The following WDR3 variants were observed in gnomAD, a reference collection of about 807,000 sequenced individuals.
WDR3 encodes the protein WD repeat-containing protein 3.
In WDR3, 81 loss-of-function variants were observed where a neutral mutation model predicts 123.7. The ratio of observed to expected loss-of-function variants is 0.65; its 90% CI spans 0.55 to 0.79. WDR3 has a LOEUF of 0.79. WDR3 is among the 30% of genes least tolerant of loss of function. WDR3 has a pLI of 0.00. For synonymous variants in WDR3, 390 were observed against 388.8 expected (o/e 1.00, Z -0.04); for missense variants, 1,027 against 1,123.2 (o/e 0.91, Z 1.22).
At chr1:117,930,115 G>A (rs1650651887) in intron 1 of WDR3, among the ~76,000 whole-genome samples, 2 of 152,208 alleles carry the variant, frequency 1.3e-5, no homozygotes, top group Admixed American at 1.3e-4. Context: ...ATGTGTGGCA[G>A]GTCTGTTGCC....
intron 10 of WDR3, among the ~76,000 whole-genome samples, chr1:117,943,119 A>G (rs1488367058): frequency 6.6e-6 from 1 of 151,668 alleles, no homozygotes; most frequent in Admixed American, 6.6e-5. Context: ...CACTCAGCTA[A>G]TTTTTGTATT....
rs115068403 is a variant in WDR3 at position 117,942,693 on chromosome 1, T to C, written c.1097+149T>C. 1,838 of 684,174 alleles carry C rather than the reference T, an allele frequency of 2.7e-3. 5 individuals carry two copies. Among genetic ancestry groups the C allele is most frequent in the Non-Finnish European group, 3.9e-3 (1,590 of 409,116 alleles). The allele number at this position is 684,174 out of a possible 1,614,324, so 42.4% of individuals were successfully genotyped here. A position where few individuals can be genotyped will look rare whatever the true frequency, so the allele number is the denominator to read the frequency against. On this transcript the variant is annotated intron_variant, in intron 10 of 26. Transcript: ENST00000349139. ...TCTGTGTCACACTCTGCTCCTGTTG[T>C]CCTAATCATGGGCCCACTTTTTGTC...
chr1:117,933,607 G>A, intron 2 of WDR3, 117 bp downstream of exon 2: 1 of 1,392,540 alleles, frequency 7.2e-7, no homozygotes. Flanking sequence ...TGTGCCCTTA[G>A]AAGAAAAATC....
chr1:117,951,598 C>T (rs1400973261), intron 16 of WDR3, among the ~76,000 whole-genome samples: 1 of 150,666 alleles, frequency 6.6e-6, no homozygotes, highest in Non-Finnish European at 1.5e-5. Flanking sequence ...ATGTGGGCTA[C>T]ATAAACATTC....
intron 3 of WDR3, among the ~76,000 whole-genome samples, chr1:117,935,606 A>G (rs543212551): frequency 2.8e-4 from 43 of 152,142 alleles, no homozygotes; most frequent in Non-Finnish European, 5.3e-4. Flanking sequence ...ACAATTGGCT[A>G]TTTGAGCGAA....
rs1033658885 is a variant in WDR3 at position 117,961,252 on chromosome 1, C to G, written c.*1805C>G. 8 of 152,176 alleles carry G rather than the reference C, an allele frequency of 5.3e-5. No individual in the cohort carries two copies. Among genetic ancestry groups the G allele is most frequent in the African/African-American group, 1.9e-4 (8 of 41,426 alleles). 9.4% of individuals were successfully genotyped at this position (152,176 alleles called of 1,614,324 possible). On this transcript the variant is annotated 3_prime_UTR_variant, in exon 27 of 27. Transcript: ENST00000349139. ...TAGCCAAGACAGTGCCACCAGCATT[C>G]CAGCCTGGGCAACACAGTGAGACTC...
In WDR3 at chr1:117,938,556, G is replaced by C. The variant is rs1651023462; in HGVS notation, c.577G>C (p.Glu193Gln). ...CFKTMVGHRT[E>Q]VWGLVLLSEE... ...TAAAACAATGGTTGGCCACCGGACTGAGGTAAGTGTAGGGTCATGGGCCCA... is the reference window on the plus strand; with the variant it reads ...TAAAACAATGGTTGGCCACCGGACTCAGGTAAGTGTAGGGTCATGGGCCCA... Residue 193 changes from glutamate (E) to glutamine (Q), a missense_variant and splice_region_variant, in exon 5 of 27, where the codon GAG (glutamate) becomes CAG (glutamine). By Grantham distance (29) the Glu-to-Gln change is conservative. Coordinates refer to ENST00000349139, the MANE Select transcript of WDR3 (RefSeq NM_006784.3). 6.2e-7 allele frequency: 1 copy of C among 1,613,156 alleles called. No homozygotes were observed. The highest frequency in any genetic ancestry group is 8.5e-7 in the Non-Finnish European group (1 of 1,179,270).
intron 6 of WDR3, among the ~76,000 whole-genome samples, chr1:117,940,053 T>C (rs1188284795): frequency 6.6e-6 from 1 of 152,218 alleles, no homozygotes; most frequent in Non-Finnish European, 1.5e-5. Flanking sequence ...GGAGTTACAT[T>C]AGTAGGCTAG....
At position 117,963,818 on chromosome 1, in the gene WDR3, C is replaced by T. The variant is rs112012491; in HGVS notation, c.*4371C>T. Reference sequence around the variant, plus strand: ...CTGTACCTAATGTGGAGAAACTTTACGAGACATGAAGACTCCAAGTGTGGA... The same window carrying T: ...CTGTACCTAATGTGGAGAAACTTTATGAGACATGAAGACTCCAAGTGTGGA... On this transcript the variant is annotated 3_prime_UTR_variant, in exon 27 of 27. Coordinates refer to ENST00000349139, the MANE Select transcript of WDR3 (RefSeq NM_006784.3). 3.3e-3 allele frequency: 5,328 copies of T among 1,612,268 alleles called. 33 individuals are homozygous for T. The highest frequency in any genetic ancestry group is 0.015 in the South Asian group (1,379 of 90,828).
Position 117,943,417 on chromosome 1 carries a change from A to C in WDR3, c.1119A>C (p.Ser373=), listed in dbSNP as rs752693056. The C allele has an allele frequency of 9.3e-6, 15 of 1,613,806 alleles. No homozygotes were observed. The Admixed American group carries it at 1.3e-4, about 14-fold the overall frequency. Residue 373 remains serine (S), a synonymous_variant, in exon 11 of 27, where the codon TCA becomes TCC. Transcript: ENST00000349139. ...ACAGGTCCTTTGACTTGATTCATTCACCTCACGGAGAGTTAAAGGCTGTCT... is the reference window on the plus strand; with the variant it reads ...ACAGGTCCTTTGACTTGATTCATTCCCCTCACGGAGAGTTAAAGGCTGTCT... The part of the protein sequence containing the change: ...AKIKSFDLIH[S]PHGELKAVFL...
At chr1:117,930,150 T>C (rs1197033896) in intron 1 of WDR3, among the ~76,000 whole-genome samples, 1 of 152,162 alleles carries the variant, frequency 6.6e-6, no homozygotes, top group African/African-American at 2.4e-5. Flanking sequence ...CAGTGCATCT[T>C]GGAAACATCG....
intron 23 of WDR3, 84 bp downstream of exon 23, chr1:117,954,711 TG>T: frequency 7.4e-7 from 1 of 1,356,668 alleles, no homozygotes; most frequent in Middle Eastern, 1.9e-4. Flanking sequence ...CATTATGATT[TG>T]GGGATGGATT....
In WDR3 at chr1:117,946,172, G is replaced by A; in HGVS notation, c.1415G>A (p.Gly472Glu). The A allele has an allele frequency of 6.2e-7, 1 of 1,608,426 alleles. No individual in the cohort carries two copies. Among genetic ancestry groups the A allele is most frequent in the Non-Finnish European group, 8.5e-7 (1 of 1,177,044 alleles). The change falls in exon 12 of 27, where the codon GGA (glycine) becomes GAA (glutamate). Residue 472 changes from glycine (G) to glutamate (E), a missense_variant. Transcript: ENST00000349139. ...CCTGGTGATAGACAGGTAGTCATAGGAACAAAGGTAAATGGAGACTTTTTC... is the reference window on the plus strand; with the variant it reads ...CCTGGTGATAGACAGGTAGTCATAGAAACAAAGGTAAATGGAGACTTTTTC... Reference protein sequence around the residue: ...FVPGDRQVVIGTKTGKLQLYD... With the variant: ...FVPGDRQVVIETKTGKLQLYD...
At chr1:117,943,673 T>G in intron 11 of WDR3, 47 bp downstream of exon 11, 1 of 1,562,980 alleles carries the variant, frequency 6.4e-7, no homozygotes, top group South Asian at 1.2e-5. Context: ...AGTATTTCTT[T>G]TAATTTTTTT....
chr1:117,942,454 G>A lies in WDR3; in HGVS notation c.1007G>A (p.Gly336Glu), dbSNP rs1036473002. ...CCCTCTAGATTACATTCTAGCAAAG[G>A]AGAGGAGGAAGATCCTGAGGTTAAT... is the stretch of plus-strand genomic sequence containing the variant. ...RKKAKLHSSK[G>E]EEEDPEVNVE... The change falls in exon 10 of 27, where the codon GGA becomes GAA. Residue 336 changes from glycine (G) to glutamate (E), a missense_variant. Physicochemically the swap from Gly to Glu is moderately conservative, Grantham distance 98. Transcript: ENST00000349139. 6.2e-7 allele frequency: 1 copy of A among 1,613,920 alleles called. No individual in the cohort carries two copies. The highest frequency in any genetic ancestry group is 8.5e-7 in the Non-Finnish European group (1 of 1,179,860).
At chr1:117,943,023 G>A (rs1651232644) in intron 10 of WDR3, among the ~76,000 whole-genome samples, 2 of 151,624 alleles carry the variant, frequency 1.3e-5, no homozygotes, top group South Asian at 4.2e-4. Flanking sequence ...CATGATCTCG[G>A]CTCAGTGCAA....
chr1:117,943,600 A>G lies in WDR3; in HGVS notation c.1302A>G (p.Ala434=). Residue 434 remains alanine, a synonymous_variant, in exon 11 of 27, where the codon GCA becomes GCG. Transcript: ENST00000349139. The part of the protein sequence containing the change: ...SSDNIAVLSA[A]ADSIKIWNRS... ...ACAATATTGCTGTTCTTTCAGCTGCAGCTGATTCCATTAAAATATGGAACA... is the reference window on the plus strand; with the variant it reads ...ACAATATTGCTGTTCTTTCAGCTGCGGCTGATTCCATTAAAATATGGAACA... 6.2e-7 allele frequency: 1 copy of G among 1,614,184 alleles called. No homozygotes were observed. The highest frequency in any genetic ancestry group is 8.5e-7 in the Non-Finnish European group (1 of 1,180,028).
intron 16 of WDR3, among the ~76,000 whole-genome samples, chr1:117,951,304 T>C (rs1350033600): frequency 6.6e-6 from 1 of 152,046 alleles, no homozygotes; most frequent in African/African-American, 2.4e-5. Flanking sequence ...TGTAGACTTT[T>C]GGTCTCTTGA....
rs1303244634 is a variant in WDR3 at position 117,958,969 on chromosome 1, G to A, written c.2642G>A (p.Arg881Lys). 6.2e-7 allele frequency: 1 copy of A among 1,613,876 alleles called. No individual in the cohort carries two copies. The highest frequency in any genetic ancestry group is 2.2e-5 in the East Asian group (1 of 44,868). ...CTTGTGCCAGTGATAGAAAAATTAA[G>A]GGAAACAACTATTTCAAAAGTCAGC... ...QMLVPVIEKL[R>K]ETTISKVSQV... is the part of the protein sequence containing the mutation. Residue 881 changes from arginine (R) to lysine (K), a missense_variant, in exon 26 of 27, where the codon AGG becomes AAG. Physicochemically the swap from Arg to Lys is conservative, Grantham distance 26. Coordinates refer to ENST00000349139, the MANE Select transcript of WDR3 (RefSeq NM_006784.3).
Sources: allele counts gnomAD v4.1 joint callset (sites outside exome capture counted in the v4.1 genomes callset), GRCh38; gene constraint gnomAD v4.1.1; transcripts MANE v1.5; gene names NCBI Gene and HGNC (gene_info 2026-07-23, HGNC 2026-07-21).